The following IQSEC2 variants were observed in gnomAD, a reference collection of about 807,000 sequenced individuals.
The protein encoded by IQSEC2 is IQ motif and Sec7 domain ArfGEF 2.
Under a neutral mutation model 74.6 loss-of-function variants are expected in IQSEC2, and 6 were observed. The ratio of observed to expected loss-of-function variants is 0.08; its 90% CI spans 0.04 to 0.16. The LOEUF is 0.16. IQSEC2 is among the 10% of genes least tolerant of loss of function. The pLI is 1.00. For missense variants in IQSEC2, 734 were observed against 1,306.2 expected, an observed-to-expected ratio of 0.56 and a Z score of 6.75; for synonymous variants, 494 against 544.5, an observed-to-expected ratio of 0.91 and a Z score of 1.29.
At chrX:53,263,278 G>A (rs782197960) in intron 2 of IQSEC2, among the ~76,000 whole-genome samples, 10 of 111,778 alleles carry the variant, frequency 8.9e-5, no homozygotes, top group Non-Finnish European at 1.9e-4. Flanking sequence ...AGCCAAGGGT[G>A]GCAGAAGATG....
chrX:53,281,587 C>G, intron 2 of IQSEC2: 1 of 1,118,643 alleles, frequency 8.9e-7, no homozygotes, highest in East Asian at 3.5e-5. Context: ...GTCACCACCC[C>G]CTCCTCCCCA....
chrX:53,287,502 C>T (rs1442080039), intron 2 of IQSEC2, among the ~76,000 whole-genome samples: 1 of 112,938 alleles, frequency 8.9e-6, no homozygotes, highest in Non-Finnish European at 1.9e-5. Context: ...ACATGCAGGG[C>T]CACGCGCCAG....
chrX:53,294,278 C>T (rs781922906), intron 1 of IQSEC2, among the ~76,000 whole-genome samples: 2 of 112,782 alleles, frequency 1.8e-5, no homozygotes, highest in African/African-American at 3.2e-5. Flanking sequence ...CGCCAATTCT[C>T]GCTATGGACT....
chrX:53,255,873 T>C lies in IQSEC2; in HGVS notation c.926A>G (p.Glu309Gly). ...CTTGGAGCGCTTTATCTCCTCCTCC[T>C]CCTGCTTCCTCAGGGCGACACTGGC... ...QPASVALRKQ[E>G]EEEIKRSKAL... Residue 309 changes from glutamate to glycine, a missense_variant, in exon 3 of 15, where the codon GAG becomes GGG. Transcript: ENST00000642864. 8.3e-7 allele frequency: 1 copy of C among 1,211,272 alleles called. No individual in the cohort carries two copies. The highest frequency in any genetic ancestry group is 1.1e-6 in the Non-Finnish European group (1 of 895,166).
At chrX:53,288,420 C>T (rs1318527640) in intron 2 of IQSEC2, among the ~76,000 whole-genome samples, 1 of 102,071 alleles carries the variant, frequency 9.8e-6, no homozygotes, top group African/African-American at 3.6e-5. Flanking sequence ...CAACAGGCCA[C>T]CTCCTCCTGC....
At chrX:53,305,936 A>G (rs1203590727) in intron 1 of IQSEC2, among the ~76,000 whole-genome samples, 1 of 111,934 alleles carries the variant, frequency 8.9e-6, no homozygotes, top group Non-Finnish European at 1.9e-5. Context: ...AACACCAAAA[A>G]AGGAAGGTGC....
At chrX:53,285,964 C>T (rs898368009) in intron 2 of IQSEC2, among the ~76,000 whole-genome samples, 4 of 112,434 alleles carry the variant, frequency 3.6e-5, no homozygotes, top group African/African-American at 1.3e-4. Context: ...TAATGTAAAA[C>T]CTGCAGGGTT....
At chrX:53,258,168 G>A (rs188065313) in intron 2 of IQSEC2, among the ~76,000 whole-genome samples, 8 of 111,838 alleles carry the variant, frequency 7.2e-5, no homozygotes, top group Admixed American at 3.8e-4. Flanking sequence ...TCCTAGTTCC[G>A]TCAAGATTCA....
In IQSEC2 at chrX:53,254,988, C is replaced by T. The variant is rs1205770455; in HGVS notation, c.1000-57G>A. The T allele has an allele frequency of 7.1e-6, 8 of 1,129,703 alleles. No individual in the cohort carries two copies. In the East Asian group the frequency reaches 2.1e-4, roughly 30 times the overall value. 93.1% of individuals were successfully genotyped at this position (1,129,703 alleles called of 1,213,427 possible). The stretch of plus-strand genomic sequence containing the variant: ...AGAAAGTCATGGCAGCCTCATCTCC[C>T]TAGGCACTCAACCACACCACCCCCA... On this transcript the variant is annotated intron_variant, in intron 3 of 14. Transcript: ENST00000642864.
intron 2 of IQSEC2, among the ~76,000 whole-genome samples, chrX:53,263,973 A>G (rs2074612847): frequency 8.9e-6 from 1 of 112,454 alleles, no homozygotes; most frequent in African/African-American, 3.2e-5. Flanking sequence ...TGGGTCCTCG[A>G]AGACCACAGG....
intron 8 of IQSEC2, among the ~76,000 whole-genome samples, chrX:53,244,938 C>T (rs781951959): frequency 9.0e-6 from 1 of 110,579 alleles, no homozygotes; most frequent in East Asian, 2.8e-4. Context: ...GGGGAAGTTA[C>T]ACATACACAC....
rs899393047 is a variant in IQSEC2 at position 53,320,489 on chromosome X, C to T, written c.635G>A (p.Ser212Asn). 5 of 1,163,775 alleles carry T rather than the reference C, an allele frequency of 4.3e-6. No homozygotes were observed. Among genetic ancestry groups the T allele is most frequent in the Middle Eastern group, 2.9e-4 (1 of 3,407 alleles). Residue 212 changes from serine to asparagine, a missense_variant, in exon 1 of 15, where the codon AGC (serine) becomes AAC (asparagine). Physicochemically the swap from Ser to Asn is conservative, Grantham distance 46. Transcript: ENST00000642864. ...GCCTCCGCCGGCGCCGGGACTGGAG[C>T]TCCTGGATGCGCCACGGCTCAGCTG... ...RGQLSRGASR[S>N]SSPGAGGGHS...
rs2074384564 is a variant in IQSEC2, at chrX:53,251,133, G to C, written c.1443C>G (p.Cys481Trp). ...LAESIDEALN[C>W]HPSGPMSEEP... Reference sequence around the variant, plus strand: ...CCTCAGACATGGGCCCTGACGGGTGGCAGTTCAGGGCTTCGTCGATGGATT... The same window carrying C: ...CCTCAGACATGGGCCCTGACGGGTGCCAGTTCAGGGCTTCGTCGATGGATT... Residue 481 changes from cysteine to tryptophan, a missense_variant, in exon 5 of 15, where the codon TGC (cysteine) becomes TGG (tryptophan). Physicochemically the swap from Cys to Trp is radical, Grantham distance 215. This residue lies in a region of IQSEC2 where 204 missense variants were observed against 305.4 expected (regional missense o/e 0.67). Transcript: ENST00000642864. 1 of 1,211,823 alleles carries C rather than the reference G, an allele frequency of 8.3e-7. No individual in the cohort carries two copies. Among genetic ancestry groups the C allele is most frequent in the Non-Finnish European group, 1.1e-6 (1 of 895,484 alleles).
intron 1 of IQSEC2, among the ~76,000 whole-genome samples, chrX:53,315,820 C>G (rs888569239): frequency 8.9e-6 from 1 of 111,975 alleles, no homozygotes; most frequent in African/African-American, 3.2e-5. Flanking sequence ...CTTTACTCTG[C>G]GCCCAGCAAA....
chrX:53,266,382 T>C, intron 2 of IQSEC2: 3 of 753,965 alleles, frequency 4.0e-6, no homozygotes, highest in Non-Finnish European at 4.7e-6. Context: ...ACACGCACTC[T>C]GAGAGGCCTT....
chrX:53,303,151 C>G (rs781960851), intron 1 of IQSEC2, among the ~76,000 whole-genome samples: 1 of 106,486 alleles, frequency 9.4e-6, no homozygotes, highest in Non-Finnish European at 1.9e-5. Flanking sequence ...TGCAGTGAGC[C>G]GTGATCACAC....
intron 1 of IQSEC2, among the ~76,000 whole-genome samples, chrX:53,306,405 C>G (rs2149783): frequency 0.22 from 24,294 of 110,245 alleles, 2,363 homozygotes; most frequent in Admixed American, 0.32. Flanking sequence ...CGGCTGAGGG[C>G]TCGCTTGACT....
At chrX:53,317,436 G>T (rs961312988) in intron 1 of IQSEC2, among the ~76,000 whole-genome samples, 3 of 111,758 alleles carry the variant, frequency 2.7e-5, no homozygotes, top group African/African-American at 9.8e-5. Context: ...GATGTCCAAT[G>T]CAGTAGAGGG....
At chrX:53,238,902 A>C (rs1163819652) in intron 11 of IQSEC2, among the ~76,000 whole-genome samples, 1 of 110,127 alleles carries the variant, frequency 9.1e-6, no homozygotes, top group Non-Finnish European at 1.9e-5. Context: ...CAGGAATACC[A>C]CGCAACAAAG....
Sources: gnomAD v4.1 joint callset for allele counts (sites outside exome capture counted in the v4.1 genomes callset) on GRCh38, gnomAD v4.1.1 for gene constraint, gnomAD v4.1.1 regional missense constraint, MANE v1.5 for transcripts, NCBI Gene and HGNC (gene_info 2026-07-23, HGNC 2026-07-21) for gene names.